Variants in MYO3B observed in about 807,000 individuals in gnomAD.
The protein encoded by MYO3B is myosin-IIIb.
Under a neutral mutation model 174.6 loss-of-function variants are expected in MYO3B, and 156 were observed. That is an observed-to-expected ratio of 0.89 (90% CI 0.78 to 1.02). The LOEUF (loss-of-function observed/expected upper bound fraction) is 1.02, where lower values mean the gene tolerates loss of function less well. Among genes scored for constraint, MYO3B ranks in the 50% least tolerant of loss-of-function variants. The probability of loss-of-function intolerance (pLI) is 0.00; values close to 1 mark genes in which losing one functional copy is unlikely to be tolerated. For missense variants in MYO3B, 1,632 were observed against 1,639.4 expected, an observed-to-expected ratio of 1.00 and a Z score of 0.08; for synonymous variants, 563 against 569.1, an observed-to-expected ratio of 0.99 and a Z score of 0.15.
In MYO3B at chr2:170,404,372, T is replaced by G; in HGVS notation, c.2403T>G (p.Phe801Leu). Residue 801 changes from phenylalanine (F) to leucine (L), a missense_variant, in exon 20 of 35, where the codon TTT becomes TTG. Transcript: ENST00000408978. ...CACTTTTGGATGAGGAAAGTCGGTT[T>G]CCCCAAGCAACTGACCAGACCCTGG... ...LLALLDEESR[F>L]PQATDQTLVD... 6.2e-7 allele frequency: 1 copy of G among 1,613,580 alleles called. No homozygotes were observed. Among genetic ancestry groups the G allele is most frequent in the East Asian group, 2.2e-5 (1 of 44,860 alleles).
chr2:170,516,373 G>A (rs1161728927), intron 29 of MYO3B, among the ~76,000 whole-genome samples: 2 of 151,878 alleles, frequency 1.3e-5, no homozygotes, highest in South Asian at 4.2e-4. Context: ...TGGGCGCGGT[G>A]GCTCACGCCT....
chr2:170,579,395 T>C (rs1692988993), intron 32 of MYO3B, among the ~76,000 whole-genome samples: 1 of 152,148 alleles, frequency 6.6e-6, no homozygotes, highest in Admixed American at 6.5e-5. Flanking sequence ...TAATAGGTTT[T>C]AACATTTTAC....
chr2:170,619,987 G>C (rs1224509036), intron 32 of MYO3B, among the ~76,000 whole-genome samples: 1 of 151,772 alleles, frequency 6.6e-6, no homozygotes, highest in Non-Finnish European at 1.5e-5. Context: ...CTGTTTATTA[G>C]AAGCAAGTCA....
At chr2:170,261,037 T>C (rs1197645862) in intron 7 of MYO3B, among the ~76,000 whole-genome samples, 1 of 152,222 alleles carries the variant, frequency 6.6e-6, no homozygotes, top group Non-Finnish European at 1.5e-5. Flanking sequence ...TTTGTTTTTG[T>C]TTTGAGACGG....
intron 8 of MYO3B, chr2:170,341,508 C>T (rs1490261067): frequency 6.6e-6 from 1 of 152,184 alleles, no homozygotes; most frequent in Non-Finnish European, 1.5e-5. Context: ...GCAGTGGTAT[C>T]TCTAGTGACA....
intron 7 of MYO3B, among the ~76,000 whole-genome samples, chr2:170,259,473 A>C (rs570624182): frequency 9.7e-4 from 148 of 152,356 alleles, no homozygotes; most frequent in African/African-American, 3.3e-3. Context: ...CTCCCTTTTC[A>C]ATAAATCGTG....
At chr2:170,261,024 G>C (rs1389453162) in intron 7 of MYO3B, among the ~76,000 whole-genome samples, 1 of 152,006 alleles carries the variant, frequency 6.6e-6, no homozygotes, top group Non-Finnish European at 1.5e-5. Flanking sequence ...GTTTCTTTTT[G>C]TTTTTGTTTT....
intron 32 of MYO3B, among the ~76,000 whole-genome samples, chr2:170,635,625 A>G (rs1186044034): frequency 6.6e-6 from 1 of 152,182 alleles, no homozygotes; most frequent in African/African-American, 2.4e-5. Context: ...AAATATATGT[A>G]TATATTAACG....
intron 25 of MYO3B, among the ~76,000 whole-genome samples, chr2:170,471,496 T>C (rs1426515900): frequency 6.6e-6 from 1 of 152,232 alleles, no homozygotes; most frequent in Non-Finnish European, 1.5e-5. Context: ...AAAGATTTAC[T>C]CCTATCATTA....
intron 7 of MYO3B, among the ~76,000 whole-genome samples, chr2:170,299,302 A>C (rs1432494642): frequency 6.6e-6 from 1 of 152,200 alleles, no homozygotes; most frequent in African/African-American, 2.4e-5. Flanking sequence ...TGATTGATTA[A>C]ATGAATGAAT....
At chr2:170,559,180 C>G (rs935466459) in intron 32 of MYO3B, among the ~76,000 whole-genome samples, 4 of 152,166 alleles carry the variant, frequency 2.6e-5, no homozygotes, top group African/African-American at 9.7e-5. Flanking sequence ...CAACCCAGAG[C>G]TGGGCTTTAG....
intron 7 of MYO3B, among the ~76,000 whole-genome samples, chr2:170,302,416 C>A (rs1213818671): frequency 6.6e-6 from 1 of 152,124 alleles, no homozygotes; most frequent in Non-Finnish European, 1.5e-5. Flanking sequence ...ATTGAAATGA[C>A]CAGCTGGGGC....
intron 32 of MYO3B, among the ~76,000 whole-genome samples, chr2:170,645,354 C>T (rs1201084284): frequency 6.6e-6 from 1 of 151,802 alleles, no homozygotes. Context: ...TGCCTGTAAT[C>T]CCAGCTACTC....
chr2:170,466,743 A>T, intron 25 of MYO3B, 32 bp downstream of exon 25: 2 of 1,605,616 alleles, frequency 1.2e-6, no homozygotes, highest in South Asian at 1.1e-5. Flanking sequence ...ATGCATTCTT[A>T]TAAATGTAGC....
intron 7 of MYO3B, among the ~76,000 whole-genome samples, chr2:170,310,479 G>T (rs143262835): frequency 0.033 from 5,037 of 151,840 alleles, 106 homozygotes; most frequent in Middle Eastern, 0.12. Context: ...CCTGGCCATC[G>T]TGGCAAAACC....
At chr2:170,410,366 G>A (rs999451057) in intron 22 of MYO3B, among the ~76,000 whole-genome samples, 7 of 152,140 alleles carry the variant, frequency 4.6e-5, no homozygotes, top group African/African-American at 1.2e-4. Flanking sequence ...TGGATCACGA[G>A]GTCAGGAGTT....
At position 170,463,396 on chromosome 2, in the gene MYO3B, C is replaced by T. The variant is rs532693197; in HGVS notation, c.2759C>T (p.Pro920Leu). 27 of 1,613,992 alleles carry T rather than the reference C, an allele frequency of 1.7e-5. No homozygotes were observed. The highest frequency in any genetic ancestry group is 5.0e-5 in the Admixed American group (3 of 60,016). The change falls in exon 24 of 35, where the codon CCG becomes CTG. Residue 920 changes from proline to leucine, a missense_variant. Transcript: ENST00000408978. Reference protein sequence around the residue: ...KVDTLEVIRHPEETTNMKRQT... With the variant: ...KVDTLEVIRHLEETTNMKRQT... ...GACACTCTGGAGGTGATACGGCATC[C>T]GGAAGAAACCACCAACATGAAGAGG...
intron 32 of MYO3B, among the ~76,000 whole-genome samples, chr2:170,612,977 G>A (rs188570049): frequency 2.6e-5 from 4 of 152,244 alleles, no homozygotes; most frequent in East Asian, 3.9e-4. Context: ...AGGCCTACGC[G>A]GAGCACTGGG....
At chr2:170,338,967 A>G (rs763826008) in intron 8 of MYO3B, among the ~76,000 whole-genome samples, 26 of 152,210 alleles carry the variant, frequency 1.7e-4, no homozygotes, top group Non-Finnish European at 2.8e-4. Context: ...TACTCAGCCT[A>G]TCAAATGCAG....
Sources: gnomAD v4.1 joint callset for allele counts (sites outside exome capture counted in the v4.1 genomes callset) on GRCh38, gnomAD v4.1.1 for gene constraint, MANE v1.5 for transcripts, NCBI Gene and HGNC (gene_info 2026-07-23, HGNC 2026-07-21) for gene names.